The following NSL1 variants were observed in gnomAD, a reference collection of about 807,000 sequenced individuals.
The protein encoded by NSL1 is NSL1 component of MIS12 kinetochore complex.
In NSL1, 11 loss-of-function variants were observed where a neutral mutation model predicts 25.4. That is an observed-to-expected ratio of 0.43 (90% CI 0.27 to 0.72). NSL1 has a LOEUF of 0.72. Ranked by LOEUF, NSL1 falls within the 30% of genes least tolerant of loss-of-function variation. NSL1 has a pLI of 0.19. For synonymous variants in NSL1, 118 were observed against 120.6 expected (o/e 0.98, Z 0.14); for missense variants, 330 against 342.7 (o/e 0.96, Z 0.29).
chr1:212,733,019 T>C lies in NSL1; in HGVS notation c.*5389A>G, dbSNP rs1192567253. ...TTATTTCTATTTCTTTATTCTCTTTTTAAATTGAGATATACTTTACCATCT... is the reference window on the plus strand; with the variant it reads ...TTATTTCTATTTCTTTATTCTCTTTCTAAATTGAGATATACTTTACCATCT... On this transcript the variant is annotated 3_prime_UTR_variant, in exon 6 of 6. Transcript: ENST00000366977. 6.6e-6 allele frequency among the ~76,000 whole-genome samples: 1 copy of C among 152,212 alleles called. No homozygotes were observed. Among genetic ancestry groups the C allele is most frequent in the Admixed American group, 6.5e-5 (1 of 15,276 alleles).
At chr1:212,747,022 G>A (rs1658826807) in intron 4 of NSL1, among the ~76,000 whole-genome samples, 1 of 151,946 alleles carries the variant, frequency 6.6e-6, no homozygotes, top group Non-Finnish European at 1.5e-5. Context: ...GTGTGTGCCT[G>A]TAGTCCCAGC....
intron 4 of NSL1, among the ~76,000 whole-genome samples, chr1:212,771,598 C>G (rs1660115255): frequency 1.2e-5 from 1 of 82,382 alleles, no homozygotes; most frequent in South Asian, 4.0e-4. Flanking sequence ...AGAGAAAAAC[C>G]TAAAGACTCC....
chr1:212,774,004 G>A (rs1011639216), intron 4 of NSL1, among the ~76,000 whole-genome samples: 7 of 152,096 alleles, frequency 4.6e-5, no homozygotes, highest in African/African-American at 1.7e-4. Flanking sequence ...TGATCTCATG[G>A]AGGTAGAGAG....
Position 212,762,970 on chromosome 1 carries a change from G to A in NSL1, c.499+19402C>T, listed in dbSNP as rs145456211. Among the ~76,000 whole-genome samples the A allele has an allele frequency of 6.8e-3, 1,042 of 152,324 alleles. 31 individuals carry two copies. Among genetic ancestry groups the A allele is most frequent in the Admixed American group, 0.064 (973 of 15,294 alleles). ...TGAGCTCTCCTGAACAGAACCCACA[G>A]GGTGAGTGTAAAGTGTGCTACAGAC... On this transcript the variant is annotated intron_variant, in intron 4 of 5. Transcript: ENST00000366977.
intron 4 of NSL1, among the ~76,000 whole-genome samples, chr1:212,779,713 G>C (rs1347227945): frequency 1.4e-5 from 1 of 73,010 alleles, no homozygotes. Context: ...CCGGCCAGCC[G>C]CCCCATCCGG....
rs928381711 is a variant in NSL1 at position 212,729,326 on chromosome 1, G to A, written c.*9082C>T. ...GCTACTGATGGCTCCCCTAACTGAC[G>A]GCAAATTGCTTGTGGGCAGGGTCTG... On this transcript the variant is annotated 3_prime_UTR_variant, in exon 6 of 6. Transcript: ENST00000366977. 5.1e-6 allele frequency: 5 copies of A among 983,218 alleles called. No individual in the cohort carries two copies. The highest frequency in any genetic ancestry group is 4.7e-5 in the South Asian group (1 of 21,258). 60.9% of individuals were successfully genotyped at this position (983,218 alleles called of 1,614,324 possible). A position where few individuals can be genotyped will look rare whatever the true frequency, so the allele number is the denominator to read the frequency against.
At chr1:212,749,290 CA>C (rs1412992589) in intron 4 of NSL1, among the ~76,000 whole-genome samples, 9 of 147,692 alleles carry the variant, frequency 6.1e-5, no homozygotes, top group African/African-American at 2.2e-4. Flanking sequence ...GTTTACATTA[CA>C]AACTTTACAA....
intron 4 of NSL1, among the ~76,000 whole-genome samples, chr1:212,779,966 A>C (rs1471044206): frequency 1.3e-5 from 2 of 150,448 alleles, no homozygotes; most frequent in African/African-American, 2.4e-5. Flanking sequence ...GGAAGTGAGG[A>C]GCCCCTCTGC....
chr1:212,751,513 T>C (rs959910391), intron 4 of NSL1, among the ~76,000 whole-genome samples: 1 of 152,250 alleles, frequency 6.6e-6, no homozygotes, highest in Non-Finnish European at 1.5e-5. Flanking sequence ...ATAAGTTAAC[T>C]AATGGTAAAA....
rs2102453073 is a variant in NSL1, at chr1:212,760,569, G to A, written c.500-20968C>T. Among the ~76,000 whole-genome samples, 1 of 151,942 alleles carries A rather than the reference G, an allele frequency of 6.6e-6. No individual in the cohort carries two copies. The highest frequency in any genetic ancestry group is 2.1e-4 in the South Asian group (1 of 4,802). On this transcript the variant is annotated intron_variant, in intron 4 of 5. Coordinates refer to ENST00000366977, the MANE Select transcript of NSL1 (RefSeq NM_015471.4). The surrounding 1 kb of genome is among the most constrained non-coding windows in gnomAD (Gnocchi z 4.3). ...TCATCACCACCACCATCACCGCCAG[G>A]ACCCCCCTAAATGTGCTCTGGGGGG...
At chr1:212,739,474 T>C (rs1441384080) in intron 5 of NSL1, 60 bp downstream of exon 5, 2 of 1,500,208 alleles carry the variant, frequency 1.3e-6, no homozygotes, top group East Asian at 2.3e-5. Flanking sequence ...GAATGTTGAA[T>C]GCAAATACCT....
intron 4 of NSL1, among the ~76,000 whole-genome samples, chr1:212,750,307 G>A (rs1447510288): frequency 2.0e-5 from 3 of 152,036 alleles, no homozygotes; most frequent in African/African-American, 7.2e-5. Flanking sequence ...TTGGGGCTAG[G>A]TGAGCTGGGA....
At chr1:212,764,203 A>G (rs1439919182) in intron 4 of NSL1, among the ~76,000 whole-genome samples, 1 of 152,240 alleles carries the variant, frequency 6.6e-6, no homozygotes, top group East Asian at 1.9e-4. Flanking sequence ...TGAAATCAAT[A>G]TGTAAATTTA....
At position 212,738,178 on chromosome 1, in the gene NSL1, G is replaced by A; in HGVS notation, c.*230C>T. 4 of 1,243,258 alleles carry A rather than the reference G, an allele frequency of 3.2e-6. No homozygotes were observed. Among genetic ancestry groups the A allele is most frequent in the Non-Finnish European group, 4.0e-6 (4 of 993,012 alleles). The allele number at this position is 1,243,258 out of a possible 1,614,324, so 77.0% of individuals were successfully genotyped here. On this transcript the variant is annotated 3_prime_UTR_variant, in exon 6 of 6. Coordinates refer to ENST00000366977, the MANE Select transcript of NSL1 (RefSeq NM_015471.4). ...TTTAATATTTTTAATGCCCACTGATGGGCTTTGTGTCAATACTTTTTAAAA... is the reference window on the plus strand; with the variant it reads ...TTTAATATTTTTAATGCCCACTGATAGGCTTTGTGTCAATACTTTTTAAAA...
intron 1 of NSL1, among the ~76,000 whole-genome samples, chr1:212,790,940 T>TAAA (rs1231733756): frequency 6.9e-6 from 1 of 145,470 alleles, no homozygotes; most frequent in African/African-American, 2.8e-5. Context: ...AAAAATAAAA[T>TAAA]AAAATAAATA....
chr1:212,764,472 T>C (rs1000841351), intron 4 of NSL1, among the ~76,000 whole-genome samples: 1 of 151,862 alleles, frequency 6.6e-6, no homozygotes, highest in East Asian at 1.9e-4. Context: ...ATACAAAAGA[T>C]AAATGAAACA....
At position 212,791,715 on chromosome 1, in the gene NSL1, C is replaced by T; in HGVS notation, c.49G>A (p.Glu17Lys). Residue 17 changes from glutamate to lysine, a missense_variant, in exon 1 of 6, where the codon GAG (glutamate) becomes AAG (lysine). Transcript: ENST00000366977. ...LVVLDPPWDK[E>K]LAAGTESQAL... is the part of the protein sequence containing the mutation. Reference sequence around the variant, plus strand: ...TGGCTCTCTGTGCCAGCCGCGAGCTCCTTGTCCCATGGAGGGTCAAGGACC... The same window carrying T: ...TGGCTCTCTGTGCCAGCCGCGAGCTTCTTGTCCCATGGAGGGTCAAGGACC... 6.2e-7 allele frequency: 1 copy of T among 1,613,884 alleles called. No individual in the cohort carries two copies. Among genetic ancestry groups the T allele is most frequent in the Non-Finnish European group, 8.5e-7 (1 of 1,179,926 alleles).
In NSL1 at chr1:212,745,690, C is replaced by G. The variant is rs76434207; in HGVS notation, c.500-6089G>C. Among the ~76,000 whole-genome samples, 649 of 152,214 alleles carry G rather than the reference C, an allele frequency of 4.3e-3. 29 individuals carry two copies. In the East Asian group the frequency reaches 0.099, roughly 23 times the overall value. On this transcript the variant is annotated intron_variant, in intron 4 of 5. Coordinates refer to ENST00000366977, the MANE Select transcript of NSL1 (RefSeq NM_015471.4). The stretch of plus-strand genomic sequence containing the variant: ...AAAAACTGAGGGAATTGTCTGGACA[C>G]AGTGGCTCATGCCTATAATCCCAGC...
chr1:212,762,306 C>CAAA (rs71147025), intron 4 of NSL1, among the ~76,000 whole-genome samples: 13,661 of 114,216 alleles, frequency 0.12, 721 homozygotes, highest in African/African-American at 0.18. Context: ...TTAAAAGAAA[C>CAAA]AAAAAAAAAA....
Sources: allele counts gnomAD v4.1 joint callset (sites outside exome capture counted in the v4.1 genomes callset), GRCh38; gene constraint gnomAD v4.1.1; non-coding constraint Gnocchi (gnomAD v3.1); transcripts MANE v1.5; gene names NCBI Gene and HGNC (gene_info 2026-07-23, HGNC 2026-07-21).